CHCHD3: variants seen among roughly 807,000 people sequenced by gnomAD.
CHCHD3 encodes MICOS complex subunit MIC19.
CHCHD3 carries 20 observed loss-of-function variants against 38.2 expected under a neutral mutation model. The ratio of observed to expected loss-of-function variants is 0.52; its 90% CI spans 0.37 to 0.76. The LOEUF (loss-of-function observed/expected upper bound fraction) is 0.76, where lower values mean the gene tolerates loss of function less well. Among genes scored for constraint, CHCHD3 ranks in the 30% least tolerant of loss-of-function variants. CHCHD3 has a pLI of 0.00. For missense variants in CHCHD3, 245 were observed against 279.2 expected (o/e 0.88, Z 0.87); for synonymous variants, 82 against 100.0 (o/e 0.82, Z 1.07).
At chr7:133,079,932 A>G (rs1220525209) in intron 1 of CHCHD3, among the ~76,000 whole-genome samples, 1 of 152,248 alleles carries the variant, frequency 6.6e-6, no homozygotes, top group African/African-American at 2.4e-5. Flanking sequence ...TGGGCTAAGT[A>G]TGGCTACAAG....
rs1015869959 is a variant in CHCHD3, at chr7:132,898,717, C to G, written c.370-12972G>C. On this transcript the variant is annotated intron_variant, in intron 4 of 7. Transcript: ENST00000262570. ...GCCCACGGAGCGGGTGGGAGGCTCACGCATGGCGGGCTGCAGGTCCCGAGC... is the reference window on the plus strand; with the variant it reads ...GCCCACGGAGCGGGTGGGAGGCTCAGGCATGGCGGGCTGCAGGTCCCGAGC... Among the ~76,000 whole-genome samples, 8 of 152,368 alleles carry G rather than the reference C, an allele frequency of 5.3e-5. No individual in the cohort carries two copies. The East Asian group carries it at 1.5e-3, about 29-fold the overall frequency.
At position 133,044,236 on chromosome 7, in the gene CHCHD3, C is replaced by T. The variant is rs574175026; in HGVS notation, c.170-19609G>A. 5.3e-5 allele frequency among the ~76,000 whole-genome samples: 8 copies of T among 152,290 alleles called. No individual in the cohort carries two copies. The South Asian group carries it at 1.7e-3, about 32-fold the overall frequency. ...ACTCACTAGACATTTAAAGAAAATACTTAAATAATTGTTTTATTGGTTGAT... is the reference window on the plus strand; with the variant it reads ...ACTCACTAGACATTTAAAGAAAATATTTAAATAATTGTTTTATTGGTTGAT... On this transcript the variant is annotated intron_variant, in intron 2 of 7. Coordinates refer to ENST00000262570, the MANE Select transcript of CHCHD3 (RefSeq NM_017812.4).
intron 6 of CHCHD3, among the ~76,000 whole-genome samples, chr7:132,817,134 A>C (rs571748859): frequency 6.6e-5 from 10 of 152,192 alleles, no homozygotes; most frequent in Admixed American, 2.0e-4. Context: ...TCTAAAGAAA[A>C]GGGCAGCACT....
chr7:132,786,602 C>T (rs775795238), intron 7 of CHCHD3, among the ~76,000 whole-genome samples: 7 of 152,188 alleles, frequency 4.6e-5, no homozygotes, highest in East Asian at 1.9e-4. Flanking sequence ...TTTGCAACCA[C>T]TCAGAGAGGC....
At chr7:132,914,578 C>T (rs1810053038) in intron 4 of CHCHD3, among the ~76,000 whole-genome samples, 1 of 152,096 alleles carries the variant, frequency 6.6e-6, no homozygotes, top group South Asian at 2.1e-4. Flanking sequence ...TTGTGGTAGA[C>T]AACTCCTAAA....
chr7:132,874,570 GGGA>G (rs1808849478), intron 5 of CHCHD3, among the ~76,000 whole-genome samples: 1 of 134,302 alleles, frequency 7.4e-6, no homozygotes, highest in African/African-American at 2.6e-5. Flanking sequence ...TTTCATAAAA[GGGA>G]AGAATATTCT....
chr7:132,961,367 A>G lies in CHCHD3; in HGVS notation c.369+13802T>C, dbSNP rs553325893. Among the ~76,000 whole-genome samples the G allele has an allele frequency of 2.3e-4, 35 of 152,362 alleles. No homozygotes were observed. In the South Asian group the frequency reaches 7.0e-3, roughly 31 times the overall value. On this transcript the variant is annotated intron_variant, in intron 4 of 7. Coordinates refer to ENST00000262570, the MANE Select transcript of CHCHD3 (RefSeq NM_017812.4). The stretch of plus-strand genomic sequence containing the variant: ...AAGATGAATCTTTGTTTAAGCTTAG[A>G]GACAGCAAAGGGGTTTCATCCACTA...
At chr7:132,995,167 C>A (rs115548741) in intron 3 of CHCHD3, among the ~76,000 whole-genome samples, 2,114 of 152,284 alleles carry the variant, frequency 0.014, 55 homozygotes, top group African/African-American at 0.048. Context: ...ATTTTCTTTA[C>A]TGTCATTTTA....
intron 4 of CHCHD3, among the ~76,000 whole-genome samples, chr7:132,928,808 C>T (rs1810444880): frequency 6.6e-6 from 1 of 152,152 alleles, no homozygotes; most frequent in African/African-American, 2.4e-5. Flanking sequence ...ATCCTCCCTC[C>T]CTTTTAAATT....
At chr7:132,908,573 C>A (rs943360524) in intron 4 of CHCHD3, among the ~76,000 whole-genome samples, 5 of 152,090 alleles carry the variant, frequency 3.3e-5, no homozygotes, top group Admixed American at 6.5e-5. Flanking sequence ...AAACTCTAGA[C>A]TCTCCTCTGA....
At chr7:132,942,738 CAT>C (rs1408396560) in intron 4 of CHCHD3, among the ~76,000 whole-genome samples, 1 of 152,142 alleles carries the variant, frequency 6.6e-6, no homozygotes, top group African/African-American at 2.4e-5. Flanking sequence ...TGGAGAAAAA[CAT>C]ATAACACAAA....
At chr7:132,875,842 A>G (rs1219982421) in intron 5 of CHCHD3, among the ~76,000 whole-genome samples, 1 of 152,244 alleles carries the variant, frequency 6.6e-6, no homozygotes, top group Non-Finnish European at 1.5e-5. Flanking sequence ...GGTTCCCTTC[A>G]TTAAATGCCA....
chr7:133,022,889 C>T (rs1343737193), intron 3 of CHCHD3, among the ~76,000 whole-genome samples: 2 of 89,944 alleles, frequency 2.2e-5, no homozygotes, highest in Non-Finnish European at 4.6e-5. Flanking sequence ...GTTATTTTAA[C>T]AAAAAGCCTG....
At chr7:132,820,888 G>A (rs939794292) in intron 6 of CHCHD3, among the ~76,000 whole-genome samples, 24 of 152,124 alleles carry the variant, frequency 1.6e-4, no homozygotes, top group African/African-American at 5.8e-4. Context: ...AAGGTTTTAG[G>A]TGAGAACTAT....
intron 5 of CHCHD3, among the ~76,000 whole-genome samples, chr7:132,846,131 C>G (rs1808070125): frequency 6.6e-6 from 1 of 152,194 alleles, no homozygotes; most frequent in Admixed American, 6.5e-5. Flanking sequence ...CAGCTTCTCT[C>G]ATGATGAGAG....
chr7:132,975,954 A>G (rs1289699620), intron 3 of CHCHD3, among the ~76,000 whole-genome samples: 1 of 149,982 alleles, frequency 6.7e-6, no homozygotes, highest in Non-Finnish European at 1.5e-5. Context: ...CATCTACATG[A>G]CAAATATTTG....
In CHCHD3 at chr7:132,984,050, A is replaced by ACGG. The variant is rs1562929101; in HGVS notation, c.252-8765_252-8764insCCG. ...CTCTCCCCACGGTCTCCCTCTCCCC[A>ACGG]TGGTCTCCCTCTCCCCACGGTCTCC... On this transcript the variant is annotated intron_variant, in intron 3 of 7. Coordinates refer to ENST00000262570, the MANE Select transcript of CHCHD3 (RefSeq NM_017812.4). Among the ~76,000 whole-genome samples the ACGG allele has an allele frequency of 6.3e-3, 804 of 127,962 alleles. 51 individuals are homozygous for ACGG. Among genetic ancestry groups the ACGG allele is most frequent in the African/African-American group, 0.018 (607 of 33,288 alleles). 83.9% of individuals were successfully genotyped at this position (127,962 alleles called of 152,430 possible). A position where few individuals can be genotyped will look rare whatever the true frequency, so the allele number is the denominator to read the frequency against.
intron 4 of CHCHD3, among the ~76,000 whole-genome samples, chr7:132,932,608 A>C (rs1213711207): frequency 1.3e-5 from 2 of 152,222 alleles, no homozygotes; most frequent in Admixed American, 1.3e-4. Context: ...AAGCTGCCGC[A>C]CACAGGGCCT....
intron 5 of CHCHD3, among the ~76,000 whole-genome samples, chr7:132,840,472 G>C (rs1388858382): frequency 6.6e-6 from 1 of 152,184 alleles, no homozygotes; most frequent in Non-Finnish European, 1.5e-5. Context: ...AGAGAGACAG[G>C]ACTAAGCTGA....
Sources: allele counts gnomAD v4.1 joint callset (sites outside exome capture counted in the v4.1 genomes callset), GRCh38; gene constraint gnomAD v4.1.1; transcripts MANE v1.5; gene names NCBI Gene and HGNC (gene_info 2026-07-23, HGNC 2026-07-21).